Variants in EPG5 observed in about 807,000 individuals in gnomAD.
EPG5 encodes the protein ectopic P-granules 5 autophagy tethering factor.
A neutral mutation model predicts 302.7 loss-of-function variants in EPG5; 159 were observed. That is an observed-to-expected ratio of 0.53 (90% CI 0.46 to 0.60). The LOEUF (loss-of-function observed/expected upper bound fraction) is 0.60. EPG5 is among the 20% of genes least tolerant of loss of function. The pLI is 0.00. For synonymous variants in EPG5, 1,158 were observed against 1,136.8 expected (o/e 1.02, Z -0.37); for missense variants, 2,896 against 3,092.4 (o/e 0.94, Z 1.51).
chr18:45,856,489 A>G (rs1176721397), intron 42 of EPG5, among the ~76,000 whole-genome samples: 2 of 152,250 alleles, frequency 1.3e-5, no homozygotes, highest in East Asian at 3.8e-4. Context: ...GGCTACAACA[A>G]CATTGTCAAT....
At chr18:45,890,923 C>T (rs1168383112) in intron 27 of EPG5, among the ~76,000 whole-genome samples, 1 of 152,024 alleles carries the variant, frequency 6.6e-6, no homozygotes, top group African/African-American at 2.4e-5. Context: ...GAAATGCAGG[C>T]CGGGGAGTCT....
intron 35 of EPG5, among the ~76,000 whole-genome samples, chr18:45,874,745 G>A (rs1361176631): frequency 6.6e-6 from 1 of 152,120 alleles, no homozygotes; most frequent in Non-Finnish European, 1.5e-5. Flanking sequence ...CATTTGGGTG[G>A]GGACACTGCC....
chr18:45,942,615 A>T (rs189750487), intron 9 of EPG5, among the ~76,000 whole-genome samples: 99 of 152,338 alleles, frequency 6.5e-4, no homozygotes, highest in African/African-American at 2.3e-3. Flanking sequence ...AAAAATAAAA[A>T]AATAAAATAA....
At chr18:45,824,247 C>T in the EPG5 span, among the ~76,000 whole-genome samples, 1 of 152,212 alleles carries the variant, frequency 6.6e-6, no homozygotes, top group Non-Finnish European at 1.5e-5. Flanking sequence ...CGCTCTGTCG[C>T]CCAGGCTGGA....
chr18:45,892,639 G>A (rs2049378213), intron 27 of EPG5, among the ~76,000 whole-genome samples: 1 of 152,088 alleles, frequency 6.6e-6, no homozygotes, highest in Non-Finnish European at 1.5e-5. Flanking sequence ...CATTTCCCCA[G>A]GGAACATCAC....
At chr18:45,855,489 C>T (rs2048496384) in intron 43 of EPG5, 84 bp downstream of exon 43, 21 of 872,712 alleles carry the variant, frequency 2.4e-5, no homozygotes, top group South Asian at 2.2e-4. Flanking sequence ...CATGTCATGA[C>T]GCGCACAGGC....
rs989497713 is a variant in EPG5, at chr18:45,880,213, C to T, written c.5529G>A (p.Glu1843=). ...ILRLLMQSSA[E]QLLSPECWKA... ...TCCAACACTCGGGGCTCAGAAGCTG[C>T]TCCGCGGAGCCTGCCAGCAGGGACA... Residue 1843 remains glutamate, a synonymous_variant, in exon 32 of 44, where the codon GAG becomes GAA. Transcript: ENST00000282041. The T allele has an allele frequency of 1.9e-6, 3 of 1,596,600 alleles. No homozygotes were observed. Among genetic ancestry groups the T allele is most frequent in the East Asian group, 2.2e-5 (1 of 44,546 alleles).
At chr18:45,957,107 A>T (rs2051049752) in intron 1 of EPG5, among the ~76,000 whole-genome samples, 1 of 152,164 alleles carries the variant, frequency 6.6e-6, no homozygotes, top group South Asian at 2.1e-4. Context: ...GAGTTATACA[A>T]GCTCTTGGTT....
intron 23 of EPG5, among the ~76,000 whole-genome samples, chr18:45,908,442 CAGTTA>C (rs1381928551): frequency 2.6e-5 from 4 of 152,106 alleles, no homozygotes; most frequent in Non-Finnish European, 4.4e-5. Flanking sequence ...GCAATTCAGT[CAGTTA>C]TTTTTGCTTA....
downstream of EPG5, among the ~76,000 whole-genome samples, chr18:45,846,594 T>C (rs1484836453): frequency 7.0e-6 from 1 of 142,516 alleles, no homozygotes; most frequent in Non-Finnish European, 1.5e-5. Flanking sequence ...GGAATTATAC[T>C]CATTTTAAAA....
At chr18:45,844,970 C>T (rs2048352821), downstream of EPG5, among the ~76,000 whole-genome samples, 2 of 152,212 alleles carry the variant, frequency 1.3e-5, no homozygotes, top group South Asian at 2.1e-4. Context: ...ACCATTACCA[C>T]ATTTGAGATC....
the EPG5 span, among the ~76,000 whole-genome samples, chr18:45,827,394 C>G: frequency 6.6e-6 from 1 of 152,176 alleles, no homozygotes; most frequent in South Asian, 2.1e-4. Context: ...TAGGCACTGA[C>G]AGGGAAGGAG....
the EPG5 span, among the ~76,000 whole-genome samples, chr18:45,831,743 C>CTT: frequency 0.54 from 78,838 of 146,620 alleles, 21,126 homozygotes; most frequent in East Asian, 0.58. Context: ...GTACCAACAT[C>CTT]TTTTTTTTTT....
At chr18:45,913,074 G>C (rs1451626809) in intron 21 of EPG5, among the ~76,000 whole-genome samples, 1 of 148,770 alleles carries the variant, frequency 6.7e-6, no homozygotes, top group Non-Finnish European at 1.5e-5. Flanking sequence ...CCGGGCGACA[G>C]GGCAAGACTC....
rs2049870865 is a variant in EPG5, at chr18:45,910,648, C to T, written c.4078G>A (p.Ala1360Thr). The change falls in exon 23 of 44, where the codon GCT becomes ACT. Residue 1360 changes from alanine to threonine, a missense_variant. Ala to Thr is a moderately conservative substitution (Grantham distance 58). Around this residue, in one of 5 missense-constraint regions of EPG5, gnomAD observed 790 missense variants for 798.0 expected, o/e 0.99. Coordinates refer to ENST00000282041, the MANE Select transcript of EPG5 (RefSeq NM_020964.3). ...KEMKRRLTEV[A>T]DFHHAASKAL... is the part of the protein sequence containing the mutation. ...TTGCTTGCAGCATGGTGGAAGTCAG[C>T]CACCTCGGTCAAACGTCTCTTCATT... The T allele has an allele frequency of 6.2e-7, 1 of 1,614,158 alleles. No homozygotes were observed. The highest frequency in any genetic ancestry group is 1.1e-5 in the South Asian group (1 of 91,086).
chr18:45,947,387 T>G (rs187373858), intron 6 of EPG5, among the ~76,000 whole-genome samples: 1 of 151,892 alleles, frequency 6.6e-6, no homozygotes, highest in Non-Finnish European at 1.5e-5. Context: ...CACTCCAGCC[T>G]AGCGAAAGAG....
intron 43 of EPG5, 66 bp from the exon 44 acceptor site, chr18:45,852,715 A>C: frequency 7.3e-7 from 1 of 1,366,348 alleles, no homozygotes; most frequent in Non-Finnish European, 1.0e-6. Context: ...CCAGAGGTAC[A>C]GCACACCCAT....
chr18:45,874,249 C>T (rs1404234655), intron 35 of EPG5, among the ~76,000 whole-genome samples: 1 of 152,040 alleles, frequency 6.6e-6, no homozygotes, highest in Non-Finnish European at 1.5e-5. Context: ...AAGGCTTGTG[C>T]ATGTGTGGGG....
the EPG5 span, among the ~76,000 whole-genome samples, chr18:45,805,543 CA>C: frequency 1.1e-4 from 16 of 149,896 alleles, no homozygotes; most frequent in Non-Finnish European, 2.4e-4. Context: ...TGTTAATAGG[CA>C]AAAATTTCCA....
Sources: allele counts gnomAD v4.1 joint callset (sites outside exome capture counted in the v4.1 genomes callset), GRCh38; gene constraint gnomAD v4.1.1; regional missense constraint gnomAD v4.1.1; transcripts MANE v1.5; gene names NCBI Gene and HGNC (gene_info 2026-07-23, HGNC 2026-07-21).